The following NUP188 variants were observed in gnomAD, a reference collection of about 807,000 sequenced individuals.
NUP188 encodes the protein nucleoporin 188.
Under a neutral mutation model 223.0 loss-of-function variants are expected in NUP188, and 97 were observed. The observed-to-expected ratio is 0.43, with a 90% CI of 0.37 to 0.51. NUP188 has a LOEUF of 0.51. NUP188 is among the 20% of genes least tolerant of loss of function. The pLI, the probability that NUP188 is intolerant of heterozygous loss-of-function variation, is 0.00. For missense variants in NUP188, 1,947 were observed against 2,175.6 expected (o/e 0.89, Z 2.09); for synonymous variants, 869 against 828.0 (o/e 1.05, Z -0.85).
At chr9:128,989,509 G>A (rs1842384650) in intron 24 of NUP188, among the ~76,000 whole-genome samples, 1 of 152,098 alleles carries the variant, frequency 6.6e-6, no homozygotes, top group Admixed American at 6.5e-5. Context: ...GACCAGCCTG[G>A]CCAACACAGT....
chr9:128,987,983 G>C, intron 23 of NUP188, 64 bp from the exon 24 acceptor site: 30 of 1,537,512 alleles, frequency 2.0e-5, no homozygotes, highest in Non-Finnish European at 2.7e-5. Flanking sequence ...ATTCATGAGA[G>C]CACATATATT....
In NUP188 at chr9:129,006,272, C is replaced by T. The variant is rs1393964255; in HGVS notation, c.4977C>T (p.Phe1659=). 1 of 1,614,206 alleles carries T rather than the reference C, an allele frequency of 6.2e-7. No homozygotes were observed. Among genetic ancestry groups the T allele is most frequent in the East Asian group, 2.2e-5 (1 of 44,876 alleles). Residue 1659 remains phenylalanine, a synonymous_variant, in exon 43 of 44, where the codon TTC becomes TTT. Transcript: ENST00000372577. ...SLLMFTMENC[F]YLLISQAMRY... is the part of the protein sequence containing the mutation. ...TGATGTTTACCATGGAAAACTGCTT[C>T]TACCTGCTCATCTCTCAGGCGATGC...
At chr9:128,948,568 A>G (rs72758897) in intron 1 of NUP188, 59,244 of 151,622 alleles carry the variant, frequency 0.39, 11,762 homozygotes, top group Admixed American at 0.43. Context: ...AAGTCTGCGT[A>G]CCTCCAGTGC....
At chr9:128,948,362 AGG>A (rs1053213207) in intron 1 of NUP188, 2 of 152,254 alleles carry the variant, frequency 1.3e-5, no homozygotes, top group Admixed American at 1.3e-4. Context: ...ACTAGGCTTT[AGG>A]GACAAGAAGA....
intron 38 of NUP188, 53 bp from the exon 39 acceptor site, chr9:129,005,094 G>A: frequency 1.4e-6 from 2 of 1,433,028 alleles, no homozygotes; most frequent in African/African-American, 1.4e-5. Context: ...GTCTGGTTGG[G>A]TGACTGGGCT....
At position 128,968,622 on chromosome 9, in the gene NUP188, A is replaced by G. The variant is rs1367202097; in HGVS notation, c.702A>G (p.Val234=). 3 of 1,614,074 alleles carry G rather than the reference A, an allele frequency of 1.9e-6. No homozygotes were observed. Among genetic ancestry groups the G allele is most frequent in the Non-Finnish European group, 2.5e-6 (3 of 1,179,924 alleles). Residue 234 remains valine (V), a synonymous_variant, in exon 9 of 44, where the codon GTA becomes GTG. Coordinates refer to ENST00000372577, the MANE Select transcript of NUP188 (RefSeq NM_015354.3). ...YFEMAPSDLL[V]LTKMFKEQGF... ...AGATGGCACCCAGTGACTTACTTGT[A>G]TTAACCAAGATGTTTAAAGAGCAAG...
intron 22 of NUP188, among the ~76,000 whole-genome samples, chr9:128,987,084 A>T (rs1367654490): frequency 4.7e-5 from 6 of 128,130 alleles, no homozygotes; most frequent in South Asian, 2.9e-4. Context: ...AGAGAGAGAG[A>T]GAGAGTGTGT....
chr9:128,961,512 A>AAAATAAAT (rs536720682), intron 8 of NUP188, among the ~76,000 whole-genome samples: 1 of 151,592 alleles, frequency 6.6e-6, no homozygotes, highest in African/African-American at 2.4e-5. Flanking sequence ...CTCTGTCTCA[A>AAAATAAAT]AAATAAATAA....
rs769203742 is a variant in NUP188 at position 128,947,715 on chromosome 9, C to T, written c.-5C>T. 2.5e-5 allele frequency: 37 copies of T among 1,468,524 alleles called. No homozygotes were observed. The East Asian group carries it at 7.7e-4, about 30-fold the overall frequency. 91.0% of individuals were successfully genotyped at this position (1,468,524 alleles called of 1,614,324 possible). A position where few individuals can be genotyped will look rare whatever the true frequency, so the allele number is the denominator to read the frequency against. On this transcript the variant is annotated 5_prime_UTR_variant, in exon 1 of 44. Coordinates refer to ENST00000372577, the MANE Select transcript of NUP188 (RefSeq NM_015354.3). ...GGCGGGGTTAGGGCGAGCGGGCGCG[C>T]GAAGATGGCGGCGGCCGCCGGCGGG...
At chr9:128,960,262 T>G (rs1841929278) in intron 8 of NUP188, among the ~76,000 whole-genome samples, 2 of 151,626 alleles carry the variant, frequency 1.3e-5, no homozygotes, top group Non-Finnish European at 1.5e-5. Context: ...GTTTTTTGTT[T>G]TTTTTTAGTA....
chr9:128,973,198 G>A lies in NUP188; in HGVS notation c.1152G>A (p.Leu384=). Residue 384 remains leucine, a synonymous_variant, in exon 12 of 44, where the codon CTG becomes CTA. Transcript: ENST00000372577. Reference sequence around the variant, plus strand: ...CTGCATGCATGTGTGTCTATGGACTGCTCTCTTTCGTTCTGACCTCGTTGG... The same window carrying A: ...CTGCATGCATGTGTGTCTATGGACTACTCTCTTTCGTTCTGACCTCGTTGG... ...TSTACMCVYG[L]LSFVLTSLEL... 6.2e-7 allele frequency: 1 copy of A among 1,613,522 alleles called. No homozygotes were observed. The highest frequency in any genetic ancestry group is 8.5e-7 in the Non-Finnish European group (1 of 1,179,898).
chr9:128,973,417 C>G (rs1179623374), intron 12 of NUP188, among the ~76,000 whole-genome samples, 168 bp downstream of exon 12: 1 of 152,064 alleles, frequency 6.6e-6, no homozygotes, highest in South Asian at 2.1e-4. Flanking sequence ...GAGTCCTGCT[C>G]TGTCCCCCAG....
chr9:128,998,497 T>C lies in NUP188; in HGVS notation c.3430-41T>C, dbSNP rs527659085. 3 of 1,556,680 alleles carry C rather than the reference T, an allele frequency of 1.9e-6. No homozygotes were observed. In the East Asian group the frequency reaches 6.7e-5, roughly 35 times the overall value. ...AGGTGCCCTGTGGATGGCATGCGAA[T>C]CTTTCCACTGACTTCTGACTGGTGT... On this transcript the variant is annotated intron_variant, in intron 31 of 43. Transcript: ENST00000372577.
intron 19 of NUP188, among the ~76,000 whole-genome samples, chr9:128,984,209 C>A (rs925688189): frequency 2.0e-5 from 3 of 149,882 alleles, no homozygotes; most frequent in South Asian, 4.2e-4. Context: ...TCACCACAAC[C>A]TCCGCCTCCC....
At chr9:128,966,260 C>CTG (rs10616823) in intron 8 of NUP188, among the ~76,000 whole-genome samples, 13,383 of 139,562 alleles carry the variant, frequency 0.096, 670 homozygotes, top group African/African-American at 0.13. Context: ...GTCTCTGTGT[C>CTG]TGTGTGTGTG....
chr9:128,975,184 G>T, intron 12 of NUP188, among the ~76,000 whole-genome samples: 1 of 146,530 alleles, frequency 6.8e-6, no homozygotes, highest in Admixed American at 6.8e-5. Context: ...TTTCTCCGTT[G>T]CTTACTTTTT....
chr9:128,983,982 G>A (rs767354333), intron 19 of NUP188, among the ~76,000 whole-genome samples: 25 of 151,166 alleles, frequency 1.7e-4, no homozygotes, highest in Non-Finnish European at 2.5e-4. Context: ...CACCACGCCC[G>A]GCTAATTTTT....
chr9:128,990,836 G>C (rs577067074), intron 25 of NUP188, among the ~76,000 whole-genome samples: 2 of 152,310 alleles, frequency 1.3e-5, no homozygotes, highest in East Asian at 1.9e-4. Flanking sequence ...CTGCACTCCA[G>C]CCTGGGTGAC....
chr9:129,003,076 G>A (rs986159707), intron 37 of NUP188, 101 bp downstream of exon 37: 1 of 1,340,394 alleles, frequency 7.5e-7, no homozygotes, highest in Non-Finnish European at 1.0e-6. Context: ...CTCAGTAGCG[G>A]AGGGTTGTCG....
Sources: gnomAD v4.1 joint callset for allele counts (sites outside exome capture counted in the v4.1 genomes callset) on GRCh38, gnomAD v4.1.1 for gene constraint, MANE v1.5 for transcripts, NCBI Gene and HGNC (gene_info 2026-07-23, HGNC 2026-07-21) for gene names.